Variants in MAD1L1 observed in about 807,000 individuals in gnomAD.
MAD1L1 encodes mitotic arrest deficient 1 like 1.
In MAD1L1, 95 loss-of-function variants were observed where a neutral mutation model predicts 96.9. The ratio of observed to expected loss-of-function variants is 0.98; its 90% CI spans 0.83 to 1.16. The LOEUF is 1.16. Ranked by LOEUF, MAD1L1 falls within the 50% of genes most tolerant of loss-of-function variation. The pLI is 0.00. For synonymous variants in MAD1L1, 473 were observed against 396.6 expected, an observed-to-expected ratio of 1.19 and a Z score of -2.29; for missense variants, 1,007 against 954.4, an observed-to-expected ratio of 1.06 and a Z score of -0.73.
At chr7:2,001,900 A>T (rs1258679809) in intron 14 of MAD1L1, among the ~76,000 whole-genome samples, 165 bp downstream of exon 14, 1 of 152,050 alleles carries the variant, frequency 6.6e-6, no homozygotes, top group Non-Finnish European at 1.5e-5. Context: ...TAGAGATGGG[A>T]CTCAGGCTCC....
chr7:1,945,637 T>G (rs12699493), intron 16 of MAD1L1, among the ~76,000 whole-genome samples: 132,849 of 152,120 alleles, frequency 0.87, 58,972 homozygotes, highest in Non-Finnish European at 0.96. Flanking sequence ...CGCCATGGGG[T>G]GCCGGGCCCG....
chr7:1,963,512 A>G (rs1238024762), intron 15 of MAD1L1, among the ~76,000 whole-genome samples: 1 of 152,166 alleles, frequency 6.6e-6, no homozygotes, highest in Non-Finnish European at 1.5e-5. Flanking sequence ...CCATGGGTGT[A>G]TGTGTGTGTA....
intron 16 of MAD1L1, among the ~76,000 whole-genome samples, chr7:1,949,571 G>A (rs1483241792): frequency 6.6e-6 from 1 of 152,208 alleles, no homozygotes; most frequent in African/African-American, 2.4e-5. Context: ...GAGGCGGCGG[G>A]GAGGGGCCTC....
At chr7:2,075,150 A>G (rs3778938) in intron 11 of MAD1L1, among the ~76,000 whole-genome samples, 108,221 of 152,052 alleles carry the variant, frequency 0.71, 38,955 homozygotes, top group Admixed American at 0.79. Flanking sequence ...CCTGTCCTGA[A>G]GACCCGAGGA....
chr7:1,884,910 GAC>G (rs1462636899), intron 18 of MAD1L1, among the ~76,000 whole-genome samples: 2 of 152,236 alleles, frequency 1.3e-5, no homozygotes, highest in Admixed American at 6.5e-5. Flanking sequence ...CTGCTCTGGG[GAC>G]ACAGTGTGGT....
chr7:1,875,434 C>T (rs1258668488), intron 18 of MAD1L1, among the ~76,000 whole-genome samples: 3 of 152,236 alleles, frequency 2.0e-5, no homozygotes, highest in Non-Finnish European at 4.4e-5. Flanking sequence ...GGAGGGAAGT[C>T]CGTGTTGACT....
intron 18 of MAD1L1, among the ~76,000 whole-genome samples, chr7:1,851,289 C>T (rs4601204): frequency 0.29 from 44,210 of 151,998 alleles, 7,224 homozygotes; most frequent in East Asian, 0.45. Flanking sequence ...TGGCCTCGGC[C>T]GGCACAGGGT....
In MAD1L1 at chr7:1,921,406, T is replaced by C. The variant is rs889063580; in HGVS notation, c.1807+15281A>G. ...TGATTTTGGCTTACTGCAACCTCCA[T>C]CCCCCAGGTTCAGGCGATTCTCCCA... On this transcript the variant is annotated intron_variant, in intron 17 of 18. Transcript: ENST00000265854. 5.9e-5 allele frequency among the ~76,000 whole-genome samples: 9 copies of C among 151,760 alleles called. 1 individual carries two copies. Among genetic ancestry groups the C allele is most frequent in the Admixed American group, 5.9e-4 (9 of 15,240 alleles).
At position 2,114,056 on chromosome 7, in the gene MAD1L1, G is replaced by C. The variant is rs1787526468; in HGVS notation, c.1073+35096C>G. On this transcript the variant is annotated intron_variant, in intron 11 of 18. Coordinates refer to ENST00000265854, the MANE Select transcript of MAD1L1 (RefSeq NM_001013836.2). The surrounding 1 kb of genome is among the most constrained non-coding windows in gnomAD (Gnocchi z 4.2). ...CTGAACGCAGTCAGGACCCGCGCCT[G>C]CTGCACCCAGGCCTTACAGCTTCTG... Among the ~76,000 whole-genome samples the C allele has an allele frequency of 6.6e-6, 1 of 152,222 alleles. No individual in the cohort carries two copies. The highest frequency in any genetic ancestry group is 1.5e-5 in the Non-Finnish European group (1 of 68,044).
At chr7:1,946,446 T>C (rs559601193) in intron 16 of MAD1L1, among the ~76,000 whole-genome samples, 23 of 152,208 alleles carry the variant, frequency 1.5e-4, no homozygotes, top group Non-Finnish European at 2.5e-4. Flanking sequence ...AAGGGGAAAA[T>C]GGCTATAATC....
Position 2,095,337 on chromosome 7 carries a change from C to G in MAD1L1, c.1074-25999G>C, listed in dbSNP as rs368517038. 2.0e-4 allele frequency among the ~76,000 whole-genome samples: 31 copies of G among 152,248 alleles called. 1 individual carries two copies. In the South Asian group the frequency reaches 6.2e-3, roughly 31 times the overall value. ...GGGATTACAGGCATGAGCCACGGCG[C>G]CCAGCCTGCAAGAAATATTTTAAAA... On this transcript the variant is annotated intron_variant, in intron 11 of 18. Coordinates refer to ENST00000265854, the MANE Select transcript of MAD1L1 (RefSeq NM_001013836.2).
intron 17 of MAD1L1, among the ~76,000 whole-genome samples, chr7:1,923,498 C>T (rs55805388): frequency 0.05 from 7,547 of 150,790 alleles, 269 homozygotes; most frequent in Admixed American, 0.1. Context: ...CGGGCAACCC[C>T]GCGCTCTTCC....
At chr7:1,885,960 C>A (rs1316218371) in intron 18 of MAD1L1, among the ~76,000 whole-genome samples, 1 of 152,244 alleles carries the variant, frequency 6.6e-6, no homozygotes, top group Non-Finnish European at 1.5e-5. Context: ...CCATTCTATG[C>A]CCCCAGCAGC....
intron 18 of MAD1L1, among the ~76,000 whole-genome samples, chr7:1,832,648 T>TGGGG (rs1562436993): frequency 6.2e-4 from 2 of 3,238 alleles, no homozygotes; most frequent in Non-Finnish European, 1.2e-3. Flanking sequence ...GGGGGGGGGG[T>TGGGG]GGGGATGGAG....
rs541858780 is a variant in MAD1L1 at position 2,113,718 on chromosome 7, C to A, written c.1073+35434G>T. 2.0e-5 allele frequency among the ~76,000 whole-genome samples: 3 copies of A among 152,224 alleles called. 1 individual carries two copies. Among genetic ancestry groups the A allele is most frequent in the Non-Finnish European group, 2.9e-5 (2 of 68,048 alleles). On this transcript the variant is annotated intron_variant, in intron 11 of 18. Coordinates refer to ENST00000265854, the MANE Select transcript of MAD1L1 (RefSeq NM_001013836.2). ...GTGACCGGAGTGACCACACCCGCAA[C>A]AGAACATGGTGATGTCGCACACCCC...
chr7:2,085,520 C>A (rs1785870473), intron 11 of MAD1L1, among the ~76,000 whole-genome samples: 1 of 152,228 alleles, frequency 6.6e-6, no homozygotes, highest in Admixed American at 6.5e-5. Flanking sequence ...CTCAGGAATG[C>A]CCTGCTTTGA....
At chr7:2,186,282 C>T (rs1020734957) in intron 10 of MAD1L1, among the ~76,000 whole-genome samples, 1 of 151,886 alleles carries the variant, frequency 6.6e-6, no homozygotes, top group Non-Finnish European at 1.5e-5. Flanking sequence ...GTGTTAATAG[C>T]AAAAAGAAAA....
At chr7:2,220,779 A>G in intron 5 of MAD1L1, 2 of 1,179,000 alleles carry the variant, frequency 1.7e-6, no homozygotes, top group Non-Finnish European at 2.3e-6. Context: ...CTTCACCACA[A>G]CAGTGAAGCA....
At chr7:2,095,390 G>C (rs980179128) in intron 11 of MAD1L1, among the ~76,000 whole-genome samples, 1 of 136,662 alleles carries the variant, frequency 7.3e-6, no homozygotes, top group African/African-American at 3.1e-5. Flanking sequence ...GATAAAAAAA[G>C]AAAAGAAAAG....
Sources: gnomAD v4.1 joint callset for allele counts (sites outside exome capture counted in the v4.1 genomes callset) on GRCh38, gnomAD v4.1.1 for gene constraint, Gnocchi (gnomAD v3.1) non-coding constraint, MANE v1.5 for transcripts, NCBI Gene and HGNC (gene_info 2026-07-23, HGNC 2026-07-21) for gene names.